The following CNOT6L variants were observed in gnomAD, a reference collection of about 807,000 sequenced individuals.
CNOT6L encodes CCR4-NOT transcription complex subunit 6 like, also known as CCR4-NOT transcription complex subunit 6-like.
CNOT6L carries 7 observed loss-of-function variants against 64.0 expected under a neutral mutation model. The ratio of observed to expected loss-of-function variants is 0.11; its 90% confidence interval spans 0.06 to 0.21. CNOT6L has a LOEUF of 0.21. Ranked by LOEUF, CNOT6L falls within the 10% of genes least tolerant of loss-of-function variation. The pLI, the probability that CNOT6L is intolerant of heterozygous loss-of-function variation, is 1.00. For synonymous variants in CNOT6L, 193 were observed against 243.4 expected, an observed-to-expected ratio of 0.79 and a Z score of 1.93; for missense variants, 245 against 669.0, an observed-to-expected ratio of 0.37 and a Z score of 6.99.
rs548658946 is a variant in CNOT6L at position 77,772,831 on chromosome 4, G to A, written c.400+250C>T. 2.1e-4 allele frequency among the ~76,000 whole-genome samples: 32 copies of A among 152,280 alleles called. No individual in the cohort carries two copies. The South Asian group carries it at 5.8e-3, about 28-fold the overall frequency. ...CCAGCTACTCAGGAGGCTGAGGCAA[G>A]AGAATGGCATGAAGCCAGGAGGCAG... is the stretch of plus-strand genomic sequence containing the variant. On this transcript the variant is annotated intron_variant, in intron 4 of 11. Coordinates refer to ENST00000504123, the MANE Select transcript of CNOT6L (RefSeq NM_144571.3).
intron 5 of CNOT6L, among the ~76,000 whole-genome samples, chr4:77,754,192 AAGTGGTTGAAT>A (rs2109988215): frequency 6.6e-6 from 1 of 152,146 alleles, no homozygotes; most frequent in East Asian, 1.9e-4. Context: ...CTATTTAGCA[AAGTGGTTGAAT>A]ATGTTCTTTA....
intron 5 of CNOT6L, among the ~76,000 whole-genome samples, chr4:77,754,849 T>C (rs1156694769): frequency 1.7e-5 from 1 of 60,388 alleles, no homozygotes; most frequent in African/African-American, 6.4e-5. Flanking sequence ...ATAAAATACA[T>C]ATGGAAAAGT....
chr4:77,773,686 TAAAAA>T (rs1302733932), intron 3 of CNOT6L, among the ~76,000 whole-genome samples: 2 of 149,052 alleles, frequency 1.3e-5, no homozygotes, highest in African/African-American at 2.5e-5. Flanking sequence ...TTAATAAAAA[TAAAAA>T]GAATAAGAAA....
At chr4:77,762,885 T>A (rs74786737) in intron 4 of CNOT6L, among the ~76,000 whole-genome samples, 1,795 of 152,272 alleles carry the variant, frequency 0.012, 13 homozygotes, top group Non-Finnish European at 0.018. Context: ...TGCAACTACA[T>A]GTCTGTCAAC....
At chr4:77,819,151 C>A in intron 1 of CNOT6L, 153 bp downstream of exon 1, 1 of 1,486,716 alleles carries the variant, frequency 6.7e-7, no homozygotes, top group South Asian at 1.2e-5. Flanking sequence ...CACACACCCA[C>A]TCGCCGTGGG....
In CNOT6L at chr4:77,729,088, T is replaced by G. The variant is rs771926012; in HGVS notation, c.1025-7A>C. 1.2e-6 allele frequency: 2 copies of G among 1,602,670 alleles called. No homozygotes were observed. The highest frequency in any genetic ancestry group is 8.5e-7 in the Non-Finnish European group (1 of 1,171,416). ...GCATGAATAGGCTTCATACCTAAAT[T>G]TAAACATTACAAAAAGAAGACAAAG... On this transcript the variant is annotated splice_polypyrimidine_tract_variant and splice_region_variant and intron_variant, in intron 9 of 11. Coordinates refer to ENST00000504123, the MANE Select transcript of CNOT6L (RefSeq NM_144571.3).
intron 1 of CNOT6L, among the ~76,000 whole-genome samples, chr4:77,816,868 C>T (rs967317551): frequency 1.3e-5 from 2 of 152,066 alleles, no homozygotes; most frequent in South Asian, 4.1e-4. Flanking sequence ...CATACCTCTC[C>T]ATGACATTAT....
chr4:77,779,273 C>G (rs1728576755), intron 1 of CNOT6L, among the ~76,000 whole-genome samples: 1 of 151,878 alleles, frequency 6.6e-6, no homozygotes, highest in Non-Finnish European at 1.5e-5. Context: ...CTTTATAATC[C>G]TAAAATCTGC....
chr4:77,764,586 C>T (rs888241024), intron 4 of CNOT6L, among the ~76,000 whole-genome samples: 2 of 152,112 alleles, frequency 1.3e-5, no homozygotes, highest in African/African-American at 2.4e-5. Context: ...GAATTGGGAC[C>T]CCTTTCCAGT....
upstream of CNOT6L, chr4:77,819,666 C>A (rs1355086234): frequency 2.7e-5 from 4 of 148,306 alleles, no homozygotes; most frequent in Non-Finnish European, 4.4e-5. Flanking sequence ...GCTGCGGCGG[C>A]GGGGGAGGCG....
At chr4:77,736,659 T>C (rs1209932638) in intron 8 of CNOT6L, among the ~76,000 whole-genome samples, 18 of 151,980 alleles carry the variant, frequency 1.2e-4, no homozygotes. Flanking sequence ...TTTCCAATCA[T>C]TGTTCCAAGC....
chr4:77,762,963 G>C (rs763216811), intron 4 of CNOT6L, among the ~76,000 whole-genome samples: 3 of 152,048 alleles, frequency 2.0e-5, no homozygotes, highest in Admixed American at 6.5e-5. Context: ...AATTTTTAAA[G>C]TTACTTTAAA....
At chr4:77,755,038 A>C (rs1438488320) in intron 5 of CNOT6L, among the ~76,000 whole-genome samples, 1 of 151,410 alleles carries the variant, frequency 6.6e-6, no homozygotes, top group Non-Finnish European at 1.5e-5. Context: ...GTACATTAAA[A>C]TTTTTCTGTT....
intron 9 of CNOT6L, among the ~76,000 whole-genome samples, chr4:77,730,861 T>TACATAATGTACTCATA (rs1722372946): frequency 6.6e-6 from 1 of 152,080 alleles, no homozygotes. Context: ...AAGGTCTGTG[T>TACATAATGTACTCATA]ATGAAGTACA....
chr4:77,725,241 C>A (rs1296852932), intron 11 of CNOT6L, among the ~76,000 whole-genome samples: 1 of 152,096 alleles, frequency 6.6e-6, no homozygotes, highest in African/African-American at 2.4e-5. Context: ...TGGACAGGAG[C>A]TAACCCACAC....
Position 77,809,099 on chromosome 4 carries a change from TTATCTCCCTATTACAGATG to T in CNOT6L, c.5+10186_5+10204del, listed in dbSNP as rs1330170181. ...ACAAAACTCTACGAGATAAGGAATA[TTATCTCCCTATTACAGATG>T]AGAAAACTGAAGCATAGAGAAGTTA... On this transcript the variant is annotated intron_variant, in intron 1 of 11. Coordinates refer to ENST00000504123, the MANE Select transcript of CNOT6L (RefSeq NM_144571.3). 2.0e-5 allele frequency among the ~76,000 whole-genome samples: 3 copies of T among 152,174 alleles called. No homozygotes were observed. In the East Asian group the frequency reaches 5.8e-4, roughly 29 times the overall value.
chr4:77,804,699 C>T (rs1732018793), intron 1 of CNOT6L, among the ~76,000 whole-genome samples: 1 of 152,046 alleles, frequency 6.6e-6, no homozygotes, highest in Non-Finnish European at 1.5e-5. Context: ...TGGCAACATA[C>T]TGAATGTACT....
At chr4:77,819,821 G>A (rs1384976496), upstream of CNOT6L, among the ~76,000 whole-genome samples, 3 of 151,596 alleles carry the variant, frequency 2.0e-5, no homozygotes, top group Admixed American at 6.6e-5. Flanking sequence ...CGCGGAAGGC[G>A]GCTGAAGGGA....
At chr4:77,759,630 C>T (rs1251556197) in intron 4 of CNOT6L, among the ~76,000 whole-genome samples, 1 of 150,498 alleles carries the variant, frequency 6.6e-6, no homozygotes, top group Non-Finnish European at 1.5e-5. Flanking sequence ...AAAGAATAAA[C>T]AGGAGAATGA....
Sources: gnomAD v4.1 joint callset for allele counts (sites outside exome capture counted in the v4.1 genomes callset) on GRCh38, gnomAD v4.1.1 for gene constraint, MANE v1.5 for transcripts, NCBI Gene and HGNC (gene_info 2026-07-23, HGNC 2026-07-21) for gene names.